FOXN3: variants seen among roughly 807,000 people sequenced by gnomAD.
FOXN3 encodes the protein forkhead box protein N3.
In FOXN3, 7 loss-of-function variants were observed where a neutral mutation model predicts 38.4. The observed-to-expected ratio is 0.18, with a 90% CI of 0.10 to 0.34. The LOEUF (loss-of-function observed/expected upper bound fraction) is 0.34. Among genes scored for constraint, FOXN3 ranks in the 10% least tolerant of loss-of-function variants. The pLI is 1.00. For missense variants in FOXN3, 456 were observed against 613.4 expected, an observed-to-expected ratio of 0.74 and a Z score of 2.71; for synonymous variants, 230 against 242.2, an observed-to-expected ratio of 0.95 and a Z score of 0.47.
intron 1 of FOXN3, among the ~76,000 whole-genome samples, chr14:89,466,428 C>G (rs1892976711): frequency 6.6e-6 from 1 of 152,148 alleles, no homozygotes; most frequent in Non-Finnish European, 1.5e-5. Flanking sequence ...GTTTTTCGTG[C>G]CAGTTGCTTT....
At chr14:89,192,585 G>A (rs867487478) in intron 4 of FOXN3, among the ~76,000 whole-genome samples, 4 of 140,294 alleles carry the variant, frequency 2.9e-5, no homozygotes, top group Non-Finnish European at 4.5e-5. Flanking sequence ...TATGTTATAT[G>A]TAATATAAAC....
intron 4 of FOXN3, among the ~76,000 whole-genome samples, chr14:89,219,394 C>T (rs1323098276): frequency 6.6e-6 from 1 of 152,156 alleles, no homozygotes; most frequent in Non-Finnish European, 1.5e-5. Flanking sequence ...AATTACCCAA[C>T]GTCAGGTATG....
At chr14:89,435,203 C>T (rs992213694) in intron 1 of FOXN3, among the ~76,000 whole-genome samples, 1 of 152,006 alleles carries the variant, frequency 6.6e-6, no homozygotes. Flanking sequence ...GGCAACACTG[C>T]AAGACCTCAT....
rs529372864 is a variant in FOXN3 at position 89,513,217 on chromosome 14, T to G, written c.-14-100727A>C. ...GTAGTCACAGCTTTCCCAAACCACT[T>G]CCCAAATGTGATTTCCACAGTCCCA... On this transcript the variant is annotated intron_variant, in intron 1 of 6. Coordinates refer to the FOXN3 transcript ENST00000345097. Among the ~76,000 whole-genome samples the G allele has an allele frequency of 3.6e-4, 55 of 151,116 alleles. No individual in the cohort carries two copies. In the East Asian group the frequency reaches 0.01, roughly 29 times the overall value.
intron 1 of FOXN3, among the ~76,000 whole-genome samples, chr14:89,595,043 G>A (rs533656489): frequency 7.9e-5 from 12 of 152,100 alleles, no homozygotes; most frequent in South Asian, 2.1e-4. Context: ...CCGGCCAGGC[G>A]CAGTGGCTCA....
At position 89,411,919 on chromosome 14, in the gene FOXN3, GAC is replaced by G. The variant is rs775229814; in HGVS notation, c.543+13_543+14del. The G allele has an allele frequency of 7.4e-7, 1 of 1,346,520 alleles. No individual in the cohort carries two copies. Among genetic ancestry groups the G allele is most frequent in the South Asian group, 2.5e-5 (1 of 40,806 alleles). 83.4% of individuals were successfully genotyped at this position (1,346,520 alleles called of 1,614,324 possible). On this transcript the variant is annotated intron_variant, in intron 2 of 5. Transcript: ENST00000557258. ...AAAAAAAAGAAAACCTTGGGTTCCA[GAC>G]ACAGAGGCTTACCTGACTCCTCTCT...
intron 1 of FOXN3, among the ~76,000 whole-genome samples, chr14:89,490,876 C>T (rs1378283034): frequency 6.6e-6 from 1 of 152,250 alleles, no homozygotes; most frequent in Non-Finnish European, 1.5e-5. Flanking sequence ...AGTTCCATTA[C>T]AGTATTATTC....
chr14:89,480,174 G>A (rs1009052649), intron 1 of FOXN3, among the ~76,000 whole-genome samples: 5 of 152,098 alleles, frequency 3.3e-5, no homozygotes, highest in African/African-American at 9.7e-5. Context: ...CTTAAGAGGC[G>A]GGCGGATCAT....
intron 3 of FOXN3, among the ~76,000 whole-genome samples, chr14:89,324,453 T>C (rs1207733195): frequency 1.4e-4 from 20 of 139,646 alleles, no homozygotes; most frequent in African/African-American, 5.9e-4. Flanking sequence ...CGTGTGTGTG[T>C]GTGTGTGTGT....
chr14:89,536,557 G>C (rs563415931), intron 1 of FOXN3, among the ~76,000 whole-genome samples: 2 of 152,092 alleles, frequency 1.3e-5, no homozygotes, highest in African/African-American at 4.8e-5. Flanking sequence ...CGAGGCGGGC[G>C]GATCACGAGG....
At chr14:89,431,860 G>T (rs898156932) in intron 1 of FOXN3, among the ~76,000 whole-genome samples, 1 of 152,136 alleles carries the variant, frequency 6.6e-6, no homozygotes. Context: ...GATTACAGGC[G>T]CCCGCCACCA....
intron 2 of FOXN3, among the ~76,000 whole-genome samples, chr14:89,378,158 C>A (rs1890536926): frequency 6.6e-6 from 1 of 151,936 alleles, no homozygotes; most frequent in Admixed American, 6.5e-5. Context: ...AAAGATGGTT[C>A]CCCTAATCCA....
chr14:89,551,936 C>G (rs1405012025), intron 1 of FOXN3, among the ~76,000 whole-genome samples: 3 of 152,118 alleles, frequency 2.0e-5, no homozygotes, highest in Non-Finnish European at 4.4e-5. Flanking sequence ...TGCAACACCC[C>G]CAAAAGCTGG....
At chr14:89,443,076 A>C (rs1892420198) in intron 1 of FOXN3, among the ~76,000 whole-genome samples, 1 of 152,240 alleles carries the variant, frequency 6.6e-6, no homozygotes. Context: ...CAAATAAGCA[A>C]AATGGAGCCC....
chr14:89,590,752 CG>C, intron 1 of FOXN3, among the ~76,000 whole-genome samples: 1 of 152,154 alleles, frequency 6.6e-6, no homozygotes, highest in Non-Finnish European at 1.5e-5. Flanking sequence ...GAGAGTCAGC[CG>C]TAAAACCTAG....
At chr14:89,573,407 C>T (rs927029209) in intron 1 of FOXN3, among the ~76,000 whole-genome samples, 2 of 152,076 alleles carry the variant, frequency 1.3e-5, no homozygotes, top group Non-Finnish European at 2.9e-5. Context: ...TAATTTAACA[C>T]GAGAAGAGCC....
At position 89,412,881 on chromosome 14, in the gene FOXN3, C is replaced by A. The variant is rs1891578779; in HGVS notation, c.-14-391G>T. On this transcript the variant is annotated intron_variant, in intron 1 of 5. Transcript: ENST00000557258. The surrounding 1 kb of genome is among the most constrained non-coding windows in gnomAD (Gnocchi z 4.7). ...CTGTGAATTATTTTTTCTTCCAGAA[C>A]AGAAGAAAAGCAAGTAACTTCAGGT... is the stretch of plus-strand genomic sequence containing the variant. 6.6e-6 allele frequency among the ~76,000 whole-genome samples: 1 copy of A among 152,022 alleles called. No individual in the cohort carries two copies. The highest frequency in any genetic ancestry group is 2.4e-5 in the African/African-American group (1 of 41,380).
At chr14:89,596,908 C>T (rs574803696) in intron 1 of FOXN3, among the ~76,000 whole-genome samples, 1 of 152,132 alleles carries the variant, frequency 6.6e-6, no homozygotes, top group East Asian at 1.9e-4. Context: ...ATTAGTCTCA[C>T]CAGGATTCAT....
intron 4 of FOXN3, among the ~76,000 whole-genome samples, chr14:89,260,037 A>G (rs1885746689): frequency 6.6e-6 from 1 of 152,234 alleles, no homozygotes; most frequent in Non-Finnish European, 1.5e-5. Context: ...AAGTAACAGC[A>G]GATAGTGGAA....
Sources: gnomAD v4.1 joint callset for allele counts (sites outside exome capture counted in the v4.1 genomes callset) on GRCh38, gnomAD v4.1.1 for gene constraint, Gnocchi (gnomAD v3.1) non-coding constraint, MANE v1.5 for transcripts, NCBI Gene and HGNC (gene_info 2026-07-23, HGNC 2026-07-21) for gene names.